SEMA3A: variants seen among roughly 807,000 people sequenced by gnomAD.
SEMA3A encodes semaphorin-3A.
Under a neutral mutation model 97.9 loss-of-function variants are expected in SEMA3A, and 29 were observed. The observed-to-expected ratio is 0.30, with a 90% CI of 0.22 to 0.40. The LOEUF is 0.40. Ranked by LOEUF, SEMA3A falls within the 10% of genes least tolerant of loss-of-function variation. The pLI, the probability that SEMA3A is intolerant of heterozygous loss-of-function variation, is 1.00. For missense variants in SEMA3A, 763 were observed against 951.3 expected, an observed-to-expected ratio of 0.80 and a Z score of 2.60; for synonymous variants, 321 against 323.7, an observed-to-expected ratio of 0.99 and a Z score of 0.09.
intron 1 of SEMA3A, among the ~76,000 whole-genome samples, chr7:84,433,810 G>T (rs1265519046): frequency 2.6e-5 from 4 of 152,118 alleles, no homozygotes; most frequent in African/African-American, 4.8e-5. Context: ...AGTTTGATTT[G>T]CATTTCTCTA....
At position 84,034,047 on chromosome 7, in the gene SEMA3A, G is replaced by A. The variant is rs181403774; in HGVS notation, c.667+12277C>T. On this transcript the variant is annotated intron_variant, in intron 6 of 16. Coordinates refer to ENST00000265362, the MANE Select transcript of SEMA3A (RefSeq NM_006080.3). ...CATCCAGGCTGGAGTTCCCTGGTGTGATCTCAGCTCACTGTCACTTTCGCT... is the reference window on the plus strand; with the variant it reads ...CATCCAGGCTGGAGTTCCCTGGTGTAATCTCAGCTCACTGTCACTTTCGCT... 1.7e-3 allele frequency among the ~76,000 whole-genome samples: 254 copies of A among 151,478 alleles called. 2 individuals carry two copies. Among genetic ancestry groups the A allele is most frequent in the Non-Finnish European group, 2.8e-3 (188 of 67,896 alleles).
At chr7:84,207,508 T>C (rs1798519628) in intron 3 of SEMA3A, among the ~76,000 whole-genome samples, 1 of 152,174 alleles carries the variant, frequency 6.6e-6, no homozygotes, top group South Asian at 2.1e-4. Context: ...TAAAATATAA[T>C]TGCTTAAAAG....
In SEMA3A at chr7:83,981,454, C is replaced by T. The variant is rs779744872; in HGVS notation, c.1519G>A (p.Ala507Thr). The T allele has an allele frequency of 6.2e-7, 1 of 1,612,100 alleles. No individual in the cohort carries two copies. The highest frequency in any genetic ancestry group is 8.5e-7 in the Non-Finnish European group (1 of 1,179,258). ...KQQQLYIGSTAGVAQLPLHRC... is the reference protein window; with the variant it reads ...KQQQLYIGSTTGVAQLPLHRC... ...TGTAAAGGGAGCTGGGCAACCCCAG[C>T]CGTTGAACCAATATATAGTTGTTGC... Residue 507 changes from alanine to threonine, a missense_variant, in exon 14 of 17, where the codon GCT (alanine) becomes ACT (threonine). Transcript: ENST00000265362.
chr7:84,406,396 G>C (rs1387529925), intron 1 of SEMA3A, among the ~76,000 whole-genome samples: 5 of 152,034 alleles, frequency 3.3e-5, no homozygotes, highest in Non-Finnish European at 5.9e-5. Flanking sequence ...CTGAAATTGA[G>C]GCAATAATTA....
intron 4 of SEMA3A, among the ~76,000 whole-genome samples, chr7:84,062,618 G>A (rs1006779433): frequency 2.0e-5 from 3 of 152,212 alleles, no homozygotes; most frequent in Non-Finnish European, 4.4e-5. Context: ...AAGCGCAAGG[G>A]GTCAGGGAGT....
chr7:84,380,035 C>T (rs1473918614), intron 1 of SEMA3A, among the ~76,000 whole-genome samples: 1 of 152,104 alleles, frequency 6.6e-6, no homozygotes, highest in East Asian at 1.9e-4. Context: ...TTTCTATGAA[C>T]TACATGGCAA....
intron 9 of SEMA3A, among the ~76,000 whole-genome samples, chr7:84,009,060 T>C (rs1396946151): frequency 6.6e-6 from 1 of 152,232 alleles, no homozygotes; most frequent in Non-Finnish European, 1.5e-5. Flanking sequence ...ATTTTATCTC[T>C]AGCTCTCAAA....
At chr7:84,478,979 A>G (rs551444861) in intron 1 of SEMA3A, among the ~76,000 whole-genome samples, 2 of 152,164 alleles carry the variant, frequency 1.3e-5, no homozygotes, top group African/African-American at 2.4e-5. Context: ...CTCTTGTCAA[A>G]TATATACTAA....
intron 1 of SEMA3A, among the ~76,000 whole-genome samples, chr7:84,378,936 G>GT (rs1022682658): frequency 3.4e-4 from 51 of 148,832 alleles, no homozygotes; most frequent in East Asian, 1.2e-3. Context: ...GTTTTGTTTT[G>GT]TTTTTTTTGA....
chr7:84,180,414 G>A (rs1459862369), intron 1 of SEMA3A, among the ~76,000 whole-genome samples: 5 of 152,120 alleles, frequency 3.3e-5, no homozygotes, highest in Non-Finnish European at 5.9e-5. Flanking sequence ...GAGGCTGGGT[G>A]TGGAGGCTTA....
At chr7:84,336,410 C>A (rs556876362) in intron 2 of SEMA3A, among the ~76,000 whole-genome samples, 4 of 152,010 alleles carry the variant, frequency 2.6e-5, no homozygotes, top group East Asian at 3.9e-4. Flanking sequence ...CTTCTTTTTT[C>A]CCCCCAGAGA....
chr7:84,206,615 T>G (rs187120864), intron 3 of SEMA3A, among the ~76,000 whole-genome samples: 2 of 152,088 alleles, frequency 1.3e-5, no homozygotes, highest in Non-Finnish European at 2.9e-5. Context: ...AGCCACCGCG[T>G]CCGGCCTTCC....
chr7:84,344,262 C>T (rs1016866495), intron 2 of SEMA3A, among the ~76,000 whole-genome samples: 1 of 152,006 alleles, frequency 6.6e-6, no homozygotes, highest in Admixed American at 6.6e-5. Flanking sequence ...CAAGTAAGGG[C>T]CAGATTTACC....
chr7:84,007,869 A>G (rs1790729136), intron 9 of SEMA3A, among the ~76,000 whole-genome samples: 1 of 152,186 alleles, frequency 6.6e-6, no homozygotes, highest in Admixed American at 6.5e-5. Context: ...CTCAAGCATT[A>G]TTACTGAAAC....
At chr7:84,057,976 T>A (rs1434065850) in intron 5 of SEMA3A, among the ~76,000 whole-genome samples, 1 of 152,128 alleles carries the variant, frequency 6.6e-6, no homozygotes. Context: ...ACCCATGGCA[T>A]TTTGGGAAGA....
Position 84,231,996 on chromosome 7 carries a change from A to ATG in SEMA3A, c.-82-37330_-82-37329dup, listed in dbSNP as rs1015618914. On this transcript the variant is annotated intron_variant, in intron 3 of 3. Transcript: ENST00000424555. Reference sequence around the variant, plus strand: ...AGTTAATAAAAACAAAGGTATGTGTATGTGTGTGTGTGTGTATATGTAAAT... The same window carrying ATG: ...AGTTAATAAAAACAAAGGTATGTGTATGTGTGTGTGTGTGTGTATATGTAAAT... 4.0e-5 allele frequency among the ~76,000 whole-genome samples: 6 copies of ATG among 150,820 alleles called. No individual in the cohort carries two copies. The South Asian group carries it at 6.3e-4, about 16-fold the overall frequency.
intron 5 of SEMA3A, among the ~76,000 whole-genome samples, chr7:84,055,247 A>T (rs537695006): frequency 8.5e-5 from 13 of 152,150 alleles, no homozygotes; most frequent in South Asian, 2.1e-4. Context: ...TGGAGCTTCC[A>T]GGCTGCTTTG....
intron 3 of SEMA3A, among the ~76,000 whole-genome samples, chr7:84,235,381 G>A (rs1334428584): frequency 6.6e-6 from 1 of 151,804 alleles, no homozygotes; most frequent in Non-Finnish European, 1.5e-5. Context: ...GTGAATAATT[G>A]TATGTATTTT....
chr7:84,413,872 G>C (rs993281746), intron 1 of SEMA3A, among the ~76,000 whole-genome samples: 2 of 152,040 alleles, frequency 1.3e-5, no homozygotes, highest in Non-Finnish European at 2.9e-5. Context: ...TACATGCCAG[G>C]ACATATAATC....
Sources: gnomAD v4.1 joint callset for allele counts (sites outside exome capture counted in the v4.1 genomes callset) on GRCh38, gnomAD v4.1.1 for gene constraint, MANE v1.5 for transcripts, NCBI Gene and HGNC (gene_info 2026-07-23, HGNC 2026-07-21) for gene names.